Variants in PCDHGA9 observed in about 807,000 individuals in gnomAD.
The protein encoded by PCDHGA9 is protocadherin gamma subfamily A, 9, also known as protocadherin gamma-A9.
In PCDHGA9, 37 loss-of-function variants were observed where a neutral mutation model predicts 62.5. That is an observed-to-expected ratio of 0.59 (90% confidence interval 0.46 to 0.78). PCDHGA9 has a LOEUF of 0.78. Ranked by LOEUF, PCDHGA9 falls within the 30% of genes least tolerant of loss-of-function variation. PCDHGA9 has a pLI of 0.00. For synonymous variants in PCDHGA9, 459 were observed against 484.6 expected (o/e 0.95, Z 0.69); for missense variants, 1,138 against 1,166.2 (o/e 0.98, Z 0.35).
chr5:141,417,711 C>A, intron 1 of PCDHGA9: 1 of 1,261,876 alleles, frequency 7.9e-7, no homozygotes, highest in Non-Finnish European at 1.1e-6. Flanking sequence ...CACAGAGGCT[C>A]CCGGCTGCGC....
Position 141,485,784 on chromosome 5 carries a change from A to G in PCDHGA9, c.2425-9023A>G, listed in dbSNP as rs760859851. The G allele has an allele frequency of 1.9e-6, 3 of 1,614,096 alleles. No individual in the cohort carries two copies. The African/African-American group carries it at 4.0e-5, about 22-fold the overall frequency. On this transcript the variant is annotated intron_variant, in intron 1 of 3. Transcript: ENST00000573521. This position sits in a 1 kb window ranked among gnomAD's most constrained non-coding sequence, Gnocchi z 5.7. Reference sequence around the variant, plus strand: ...CTGGAGAAGCCTTTGGATCGAGAGAAGCAATCGGACTACCGCCTGGTGCTG... The same window carrying G: ...CTGGAGAAGCCTTTGGATCGAGAGAGGCAATCGGACTACCGCCTGGTGCTG...
At chr5:141,424,547 T>A (rs1484479408) in intron 1 of PCDHGA9, 2 of 152,238 alleles carry the variant, frequency 1.3e-5, no homozygotes, top group African/African-American at 4.8e-5. Flanking sequence ...AACTTGATTT[T>A]GATTCAGTGC....
chr5:141,415,121 C>T (rs2095831464), intron 1 of PCDHGA9: 1 of 1,613,522 alleles, frequency 6.2e-7, no homozygotes, highest in South Asian at 1.1e-5. Context: ...CTCGTAGTGG[C>T]CGTCCAGGAC....
intron 1 of PCDHGA9, chr5:141,411,291 C>G (rs2095478163): frequency 6.6e-6 from 1 of 152,158 alleles, no homozygotes; most frequent in South Asian, 2.1e-4. Context: ...ATTCAGAAGA[C>G]AGGCCCAGTG....
At position 141,489,888 on chromosome 5, in the gene PCDHGA9, T is replaced by TG. The variant is rs759744295; in HGVS notation, c.2425-4913dup. On this transcript the variant is annotated intron_variant, in intron 1 of 3. Coordinates refer to ENST00000573521, the MANE Select transcript of PCDHGA9 (RefSeq NM_018921.3). The surrounding 1 kb of genome is among the most constrained non-coding windows in gnomAD (Gnocchi z 4.5). ...ATCAGCTGGTGCTTACTGCTGTGGATGGGGGGACCCCAGCCCGCTCAGGGA... is the reference window on the plus strand; with the variant it reads ...ATCAGCTGGTGCTTACTGCTGTGGATGGGGGGGACCCCAGCCCGCTCAGGGA... 6.4e-5 allele frequency: 103 copies of TG among 1,614,088 alleles called. No individual in the cohort carries two copies. Among genetic ancestry groups the TG allele is most frequent in the Non-Finnish European group, 8.6e-5 (101 of 1,180,048 alleles).
intron 1 of PCDHGA9, among the ~76,000 whole-genome samples, chr5:141,439,139 G>T (rs2098090438): frequency 6.6e-6 from 1 of 150,672 alleles, no homozygotes; most frequent in South Asian, 2.1e-4. Flanking sequence ...GTTGCAGTGA[G>T]CTGAGATCAC....
rs866752085 is a variant in PCDHGA9, at chr5:141,424,634, A to G, written c.2424+19258A>G. ...AATAGAGTAGTTTGTGAATATATAA[A>G]TAGATTGAAGGTATTTGGACTTTAA... On this transcript the variant is annotated intron_variant, in intron 1 of 3. Coordinates refer to ENST00000573521, the MANE Select transcript of PCDHGA9 (RefSeq NM_018921.3). 6 of 152,338 alleles carry G rather than the reference A, an allele frequency of 3.9e-5. No individual in the cohort carries two copies. The South Asian group carries it at 1.2e-3, about 32-fold the overall frequency. 9.4% of individuals were successfully genotyped at this position (152,338 alleles called of 1,614,324 possible).
At position 141,489,244 on chromosome 5, in the gene PCDHGA9, G is replaced by A. The variant is rs145484133; in HGVS notation, c.2425-5563G>A. ...TCCACAAAGGGACTTCTGGGTCATG[G>A]GGCCCAAGACACTCCCACAGCTCGC... On this transcript the variant is annotated intron_variant, in intron 1 of 3. Coordinates refer to ENST00000573521, the MANE Select transcript of PCDHGA9 (RefSeq NM_018921.3). This position sits in a 1 kb window ranked among gnomAD's most constrained non-coding sequence, Gnocchi z 4.5. 5 of 1,534,936 alleles carry A rather than the reference G, an allele frequency of 3.3e-6. No individual in the cohort carries two copies. In the African/African-American group the frequency reaches 5.5e-5, roughly 17 times the overall value.
At chr5:141,492,070 G>T (rs1408035481) in intron 1 of PCDHGA9, 1 of 477,946 alleles carries the variant, frequency 2.1e-6, no homozygotes. Context: ...CCTCCTAGGC[G>T]CCGGCTCCGG....
intron 1 of PCDHGA9, among the ~76,000 whole-genome samples, chr5:141,425,428 T>C (rs1037803701): frequency 1.3e-5 from 2 of 152,238 alleles, no homozygotes; most frequent in African/African-American, 4.8e-5. Context: ...TCCCATTAAA[T>C]AGAGGATAAA....
At chr5:141,455,607 G>A (rs2098827849) in intron 1 of PCDHGA9, among the ~76,000 whole-genome samples, 1 of 152,248 alleles carries the variant, frequency 6.6e-6, no homozygotes, top group East Asian at 1.9e-4. Context: ...GGGCGCCATG[G>A]ATGTTCTAAA....
intron 1 of PCDHGA9, among the ~76,000 whole-genome samples, chr5:141,463,809 T>G (rs964935762): frequency 1.3e-5 from 2 of 152,216 alleles, no homozygotes; most frequent in African/African-American, 4.8e-5. Context: ...TAAAAGCTTT[T>G]ATCACACATT....
intron 1 of PCDHGA9, chr5:141,409,458 A>G (rs1435071611): frequency 4.3e-6 from 7 of 1,613,820 alleles, no homozygotes; most frequent in East Asian, 2.2e-5. Context: ...CCAGAATACA[A>G]TGTCACCATC....
At chr5:141,415,116 A>T in intron 1 of PCDHGA9, 1 of 1,613,652 alleles carries the variant, frequency 6.2e-7, no homozygotes, top group Non-Finnish European at 8.5e-7. Flanking sequence ...AAAGCCTCGT[A>T]GTGGCCGTCC....
intron 1 of PCDHGA9, chr5:141,421,750 C>G: frequency 6.2e-7 from 1 of 1,613,906 alleles, no homozygotes; most frequent in East Asian, 2.2e-5. Flanking sequence ...CCAGCTCAGC[C>G]CTAATAATTA....
At chr5:141,409,631 T>C (rs773588699) in intron 1 of PCDHGA9, 27 of 1,613,698 alleles carry the variant, frequency 1.7e-5, no homozygotes, top group Non-Finnish European at 2.2e-5. Context: ...AGTGAGCGCC[T>C]CTGACCCGGA....
rs1242637725 is a variant in PCDHGA9 at position 141,432,619 on chromosome 5, T to G, written c.2424+27243T>G. 3.1e-6 allele frequency: 5 copies of G among 1,612,618 alleles called. No homozygotes were observed. The highest frequency in any genetic ancestry group is 1.7e-5 in the Admixed American group (1 of 59,934). On this transcript the variant is annotated intron_variant, in intron 1 of 3. Transcript: ENST00000573521. This position sits in a 1 kb window ranked among gnomAD's most constrained non-coding sequence, Gnocchi z 6.0. ...GCGAGCCGGGACTCTTCTCGGTGGG[T>G]CTGCACACGGGCGAGGTGCGCACGG... is the stretch of plus-strand genomic sequence containing the variant.
chr5:141,404,365 C>A lies in PCDHGA9; in HGVS notation c.1413C>A (p.Ile471=). ...AAAACAACGCCAGAGGTACTTCCAT[C>A]TTCTCCGTGATTGCCTATGACCCTG... ...LPENNARGTS[I]FSVIAYDPDS... is the part of the protein sequence containing the mutation. Residue 471 remains isoleucine, a synonymous_variant, in exon 1 of 4, where the codon ATC becomes ATA. Transcript: ENST00000573521. 1 of 1,613,936 alleles carries A rather than the reference C, an allele frequency of 6.2e-7. No individual in the cohort carries two copies. The highest frequency in any genetic ancestry group is 1.1e-5 in the South Asian group (1 of 91,080).
intron 1 of PCDHGA9, chr5:141,419,533 C>A: frequency 6.2e-7 from 1 of 1,612,106 alleles, no homozygotes; most frequent in Non-Finnish European, 8.5e-7. Flanking sequence ...GTAACGACAA[C>A]GCACCGCGGG....
Sources: gnomAD v4.1 joint callset for allele counts (sites outside exome capture counted in the v4.1 genomes callset) on GRCh38, gnomAD v4.1.1 for gene constraint, Gnocchi (gnomAD v3.1) non-coding constraint, MANE v1.5 for transcripts, NCBI Gene and HGNC (gene_info 2026-07-23, HGNC 2026-07-21) for gene names.